Variants in LRP1B observed in about 807,000 individuals in gnomAD.
LRP1B encodes low-density lipoprotein receptor-related protein 1B.
LRP1B carries 217 observed loss-of-function variants against 556.6 expected under a neutral mutation model. That is an observed-to-expected ratio of 0.39 (90% confidence interval 0.35 to 0.44). The LOEUF (loss-of-function observed/expected upper bound fraction) is 0.44, where lower values mean the gene tolerates loss of function less well. Ranked by LOEUF, LRP1B falls within the 20% of genes least tolerant of loss-of-function variation. The pLI is 1.00. For synonymous variants in LRP1B, 2,047 were observed against 1,865.8 expected, an observed-to-expected ratio of 1.10 and a Z score of -2.50; for missense variants, 5,053 against 5,620.8, an observed-to-expected ratio of 0.90 and a Z score of 3.23.
At chr2:140,514,795 A>T (rs752122185) in intron 50 of LRP1B, 23 bp from the exon 51 acceptor site, 9 of 1,598,242 alleles carry the variant, frequency 5.6e-6, no homozygotes, top group Non-Finnish European at 7.7e-6. Context: ...CAAAAGGAAA[A>T]AAAAAAATAG....
At chr2:141,840,407 G>A (rs1332677625) in intron 1 of LRP1B, among the ~76,000 whole-genome samples, 1 of 150,542 alleles carries the variant, frequency 6.6e-6, no homozygotes, top group Non-Finnish European at 1.5e-5. Context: ...GGGACTGCAG[G>A]CACCCGCCAC....
chr2:140,412,916 C>T (rs1041562738), intron 66 of LRP1B, among the ~76,000 whole-genome samples: 2 of 152,068 alleles, frequency 1.3e-5, no homozygotes, highest in Non-Finnish European at 2.9e-5. Context: ...TGATATAAAA[C>T]AATGGCAGAA....
At chr2:140,996,523 T>C (rs1450421980) in intron 15 of LRP1B, among the ~76,000 whole-genome samples, 1 of 152,040 alleles carries the variant, frequency 6.6e-6, no homozygotes, top group South Asian at 2.1e-4. Flanking sequence ...TTCTTGAATG[T>C]AGAAAGAATA....
At chr2:140,765,130 C>T (rs1212467993) in intron 35 of LRP1B, among the ~76,000 whole-genome samples, 2 of 152,014 alleles carry the variant, frequency 1.3e-5, no homozygotes, top group South Asian at 4.1e-4. Flanking sequence ...CAGCTGGACC[C>T]TTGTTTATCT....
intron 2 of LRP1B, among the ~76,000 whole-genome samples, chr2:141,688,241 T>A (rs2105441005): frequency 6.6e-6 from 1 of 151,732 alleles, no homozygotes; most frequent in South Asian, 2.1e-4. Flanking sequence ...CTCACATGTA[T>A]ATTACACAGA....
chr2:140,875,021 T>TAAA (rs200338098), intron 25 of LRP1B, among the ~76,000 whole-genome samples: 1 of 125,038 alleles, frequency 8.0e-6, no homozygotes, highest in Non-Finnish European at 1.8e-5. Context: ...TCTGTCTCAA[T>TAAA]AAAAAAAAAA....
intron 2 of LRP1B, among the ~76,000 whole-genome samples, chr2:141,743,063 T>C (rs922252794): frequency 2.0e-5 from 3 of 152,148 alleles, no homozygotes; most frequent in African/African-American, 7.2e-5. Context: ...TAATTTGACT[T>C]CTTCCATTCA....
chr2:141,224,267 GA>G (rs1683158024), intron 6 of LRP1B, among the ~76,000 whole-genome samples: 1 of 152,102 alleles, frequency 6.6e-6, no homozygotes, highest in African/African-American at 2.4e-5. Context: ...ACTGATTAGA[GA>G]AATCCAAATC....
chr2:141,018,806 T>G (rs1697984721), intron 12 of LRP1B, among the ~76,000 whole-genome samples: 1 of 152,062 alleles, frequency 6.6e-6, no homozygotes, highest in Admixed American at 6.6e-5. Flanking sequence ...CAAAATTACT[T>G]TATAATTATG....
At chr2:141,072,876 T>G (rs547117429) in intron 7 of LRP1B, among the ~76,000 whole-genome samples, 1 of 152,188 alleles carries the variant, frequency 6.6e-6, no homozygotes, top group East Asian at 1.9e-4. Context: ...TCCTCTCCTC[T>G]TGTAAGACAG....
chr2:141,852,874 G>C (rs1319704713), intron 1 of LRP1B, among the ~76,000 whole-genome samples: 1 of 148,604 alleles, frequency 6.7e-6, no homozygotes, highest in Non-Finnish European at 1.5e-5. Flanking sequence ...CAGGAGAGAA[G>C]AACATTCTAA....
intron 4 of LRP1B, 71 bp from the exon 5 acceptor site, chr2:141,247,425 T>C (rs1684108118): frequency 6.4e-7 from 1 of 1,565,044 alleles, no homozygotes; most frequent in Non-Finnish European, 8.7e-7. Flanking sequence ...TTGAAGAAAA[T>C]ATTATTTTTG....
intron 18 of LRP1B, 141 bp downstream of exon 18, chr2:140,982,019 A>C (rs1406053544): frequency 1.7e-6 from 1 of 599,634 alleles, no homozygotes; most frequent in African/African-American, 1.9e-5. Flanking sequence ...CAGGTCCAAA[A>C]GTTTGTAACA....
rs1385804847 is a variant in LRP1B at position 141,096,621 on chromosome 2, GGAGAGGGGGAGAGAGAGAGAGA to G, written c.1014-34370_1014-34349del. Among the ~76,000 whole-genome samples, 232 of 39,928 alleles carry G rather than the reference GGAGAGGGGGAGAGAGAGAGAGA, an allele frequency of 5.8e-3. 21 individuals carry two copies. Among genetic ancestry groups the G allele is most frequent in the African/African-American group, 0.021 (221 of 10,664 alleles). 26.2% of individuals were successfully genotyped at this position (39,928 alleles called of 152,430 possible). On this transcript the variant is annotated intron_variant, in intron 7 of 90. Transcript: ENST00000389484. ...ACCCTAGCCTGAATGACAAAGACGG[GGAGAGGGGGAGAGAGAGAGAGA>G]GAGAGAGAGAGAGAGAGAGAGAGAG...
intron 2 of LRP1B, among the ~76,000 whole-genome samples, chr2:141,568,590 A>G (rs1184060603): frequency 6.6e-6 from 1 of 151,308 alleles, no homozygotes; most frequent in East Asian, 1.9e-4. Context: ...AAGTAGTTTC[A>G]TCTACAGATC....
intron 5 of LRP1B, among the ~76,000 whole-genome samples, chr2:141,233,550 T>G (rs1036482969): frequency 6.6e-6 from 1 of 152,164 alleles, no homozygotes; most frequent in African/African-American, 2.4e-5. Context: ...TTTGACCAGG[T>G]TCATAAAAAT....
intron 7 of LRP1B, among the ~76,000 whole-genome samples, chr2:141,128,403 C>T (rs1049634863): frequency 7.9e-5 from 12 of 152,058 alleles, no homozygotes; most frequent in Admixed American, 7.9e-4. Flanking sequence ...CTGATTCATC[C>T]TGTACTGATG....
At chr2:142,096,367 C>T (rs1706368976) in intron 1 of LRP1B, among the ~76,000 whole-genome samples, 1 of 151,062 alleles carries the variant, frequency 6.6e-6, no homozygotes, top group South Asian at 2.1e-4. Flanking sequence ...GTCCTGAGTA[C>T]ATTCATGTTA....
At position 141,569,137 on chromosome 2, in the gene LRP1B, A is replaced by C. The variant is rs773310381; in HGVS notation, c.206-88604T>G. On this transcript the variant is annotated intron_variant, in intron 2 of 90. Coordinates refer to ENST00000389484, the MANE Select transcript of LRP1B (RefSeq NM_018557.3). ...CTAATTGGAGAAAGGAAAGTAAATCAGATACAGATTCTAACAAATCTCACC... is the reference window on the plus strand; with the variant it reads ...CTAATTGGAGAAAGGAAAGTAAATCCGATACAGATTCTAACAAATCTCACC... Among the ~76,000 whole-genome samples, 29 of 151,182 alleles carry C rather than the reference A, an allele frequency of 1.9e-4. 3 individuals carry two copies. Among genetic ancestry groups the C allele is most frequent in the Non-Finnish European group, 1.2e-4 (8 of 67,482 alleles).
Sources: gnomAD v4.1 joint callset for allele counts (sites outside exome capture counted in the v4.1 genomes callset) on GRCh38, gnomAD v4.1.1 for gene constraint, MANE v1.5 for transcripts, NCBI Gene and HGNC (gene_info 2026-07-23, HGNC 2026-07-21) for gene names.